KLF8: variants seen among roughly 807,000 people sequenced by gnomAD.
The protein encoded by KLF8 is Krueppel-like factor 8.
Under a neutral mutation model 18.2 loss-of-function variants are expected in KLF8, and 10 were observed. The observed-to-expected ratio is 0.55, with a 90% confidence interval of 0.34 to 0.93. The LOEUF is 0.93. Among genes scored for constraint, KLF8 ranks in the 40% least tolerant of loss-of-function variants. The probability of loss-of-function intolerance (pLI) is 0.02; values close to 1 mark genes in which losing one functional copy is unlikely to be tolerated. For missense variants in KLF8, 264 were observed against 277.9 expected (o/e 0.95, Z 0.36); for synonymous variants, 109 against 97.3 (o/e 1.12, Z -0.71).
At chrX:55,996,454 G>C in the KLF8 span, among the ~76,000 whole-genome samples, 1 of 111,913 alleles carries the variant, frequency 8.9e-6, no homozygotes, top group Admixed American at 9.4e-5. Flanking sequence ...TGAGTCATCA[G>C]AATTCTTATG....
the KLF8 span, among the ~76,000 whole-genome samples, chrX:56,163,332 T>G: frequency 8.9e-6 from 1 of 112,324 alleles, no homozygotes; most frequent in Admixed American, 9.5e-5. Context: ...CATTTGCATT[T>G]CTGTAATAAC....
chrX:56,212,271 A>T, the KLF8 span, among the ~76,000 whole-genome samples: 50 of 111,846 alleles, frequency 4.5e-4, no homozygotes, highest in African/African-American at 1.6e-3. Flanking sequence ...AGAACTGTGT[A>T]GCCTGGTGTT....
chrX:55,950,162 T>G, the KLF8 span, among the ~76,000 whole-genome samples: 1 of 111,263 alleles, frequency 9.0e-6, no homozygotes, highest in African/African-American at 3.3e-5. Context: ...AGAGGAACAC[T>G]GCCTTCCAAA....
At chrX:55,987,795 G>C in the KLF8 span, among the ~76,000 whole-genome samples, 1 of 112,082 alleles carries the variant, frequency 8.9e-6, no homozygotes, top group African/African-American at 3.2e-5. Context: ...CACAATGGTT[G>C]AACTAGTTTA....
At chrX:56,189,670 C>A in the KLF8 span, among the ~76,000 whole-genome samples, 2 of 110,249 alleles carry the variant, frequency 1.8e-5, no homozygotes, top group Non-Finnish European at 3.8e-5. Context: ...CACATATACA[C>A]CATGGAATAC....
the KLF8 span, among the ~76,000 whole-genome samples, chrX:56,038,719 C>A: frequency 3.6e-5 from 4 of 112,434 alleles, no homozygotes. Flanking sequence ...ATATTCCTTT[C>A]GGTATATACC....
chrX:56,090,080 A>G, the KLF8 span, among the ~76,000 whole-genome samples: 1 of 112,046 alleles, frequency 8.9e-6, no homozygotes, highest in Non-Finnish European at 1.9e-5. Flanking sequence ...CTAATGGGGA[A>G]AAACAGAATC....
At chrX:55,953,189 TCGA>T in the KLF8 span, among the ~76,000 whole-genome samples, 3 of 111,375 alleles carry the variant, frequency 2.7e-5, no homozygotes, top group African/African-American at 9.8e-5. Context: ...GCTCACATTC[TCGA>T]GGAGTATATA....
the KLF8 span, among the ~76,000 whole-genome samples, chrX:55,956,324 A>C: frequency 1.8e-5 from 2 of 111,604 alleles, no homozygotes; most frequent in African/African-American, 6.5e-5. Context: ...GGTTGCTTCT[A>C]CTTCTTGGCT....
the KLF8 span, among the ~76,000 whole-genome samples, chrX:56,214,633 T>C: frequency 9.8e-5 from 11 of 112,398 alleles, 1 homozygote; most frequent in African/African-American, 3.6e-4. Context: ...TGCGAATAAA[T>C]ATAAGAAGAA....
chrX:56,224,507 TTAAG>T, the KLF8 span, among the ~76,000 whole-genome samples: 11 of 111,931 alleles, frequency 9.8e-5, no homozygotes, highest in Non-Finnish European at 5.6e-5. Flanking sequence ...AGAAAAATTT[TTAAG>T]TAAGATAAAA....
At chrX:56,148,381 A>G in the KLF8 span, among the ~76,000 whole-genome samples, 1 of 111,195 alleles carries the variant, frequency 9.0e-6, no homozygotes, top group African/African-American at 3.3e-5. Context: ...GTGAGTTTAT[A>G]CCATTTCTTA....
At chrX:56,068,207 G>A in the KLF8 span, among the ~76,000 whole-genome samples, 1 of 111,655 alleles carries the variant, frequency 9.0e-6, no homozygotes, top group Admixed American at 9.5e-5. Context: ...GCTTTTTTGT[G>A]AACTCAGCTG....
chrX:56,184,975 C>T, the KLF8 span, among the ~76,000 whole-genome samples: 1 of 112,574 alleles, frequency 8.9e-6, no homozygotes, highest in Non-Finnish European at 1.9e-5. Context: ...GCCTCTCCTC[C>T]TCCAAAGGAA....
chrX:56,250,446 AAAG>A (rs1314840817), intron 2 of KLF8, 142 bp downstream of exon 2: 1 of 470,423 alleles, frequency 2.1e-6, no homozygotes, highest in African/African-American at 2.4e-5. Flanking sequence ...ATATTTCTAG[AAAG>A]TATATGAATG....
the KLF8 span, among the ~76,000 whole-genome samples, chrX:56,075,322 T>C: frequency 2.7e-5 from 3 of 111,681 alleles, no homozygotes. Flanking sequence ...TTGTACTTTG[T>C]AACTTTTCTG....
the KLF8 span, among the ~76,000 whole-genome samples, chrX:55,980,901 A>T: frequency 8.9e-6 from 1 of 112,423 alleles, no homozygotes; most frequent in Non-Finnish European, 1.9e-5. Flanking sequence ...AGGTAAAATT[A>T]TTTTAAGTAG....
chrX:56,261,422 G>A (rs2066881554), intron 2 of KLF8, among the ~76,000 whole-genome samples: 1 of 111,709 alleles, frequency 9.0e-6, no homozygotes, highest in Admixed American at 9.6e-5. Flanking sequence ...CTTAAAAACT[G>A]AAGCCATCAC....
chrX:56,170,609 C>T, the KLF8 span, among the ~76,000 whole-genome samples: 3 of 109,552 alleles, frequency 2.7e-5, no homozygotes, highest in South Asian at 1.2e-3. Context: ...AGTGAGCATA[C>T]AGACAGGACA....
Sources: allele counts gnomAD v4.1 joint callset (sites outside exome capture counted in the v4.1 genomes callset), GRCh38; gene constraint gnomAD v4.1.1; transcripts MANE v1.5; gene names NCBI Gene and HGNC (gene_info 2026-07-23, HGNC 2026-07-21).